The following CHODL variants were observed in gnomAD, a reference collection of about 807,000 sequenced individuals.
CHODL encodes the protein chondrolectin.
In CHODL, 29 loss-of-function variants were observed where a neutral mutation model predicts 34.5. That is an observed-to-expected ratio of 0.84 (90% CI 0.63 to 1.15). The LOEUF (loss-of-function observed/expected upper bound fraction) is 1.15. CHODL is among the 50% of genes most tolerant of loss of function. The pLI is 0.00. For missense variants in CHODL, 332 were observed against 332.5 expected (o/e 1.00, Z 0.01); for synonymous variants, 125 against 116.1 (o/e 1.08, Z -0.49).
intron 2 of CHODL, among the ~76,000 whole-genome samples, chr21:18,168,098 G>C (rs1284938399): frequency 6.6e-6 from 1 of 152,136 alleles, no homozygotes; most frequent in Non-Finnish European, 1.5e-5. Context: ...TGGACTCCTG[G>C]ACCTATACCA....
intron 2 of CHODL, among the ~76,000 whole-genome samples, chr21:18,116,193 A>G (rs906828105): frequency 6.6e-6 from 1 of 152,164 alleles, no homozygotes; most frequent in African/African-American, 2.4e-5. Context: ...CTCTATGTCA[A>G]TACCTTAAGT....
upstream of CHODL, among the ~76,000 whole-genome samples, chr21:18,240,160 G>T (rs1294861932): frequency 6.6e-6 from 1 of 151,746 alleles, no homozygotes; most frequent in Non-Finnish European, 1.5e-5. Flanking sequence ...AGAATATATG[G>T]GAAAAGATTT....
intron 2 of CHODL, among the ~76,000 whole-genome samples, chr21:18,088,135 T>A (rs2065029333): frequency 6.6e-6 from 1 of 152,116 alleles, no homozygotes; most frequent in Non-Finnish European, 1.5e-5. Context: ...TTACAATTTA[T>A]CATGAGATTT....
intron 1 of CHODL, among the ~76,000 whole-genome samples, chr21:17,935,901 C>T (rs893587024): frequency 6.6e-6 from 1 of 152,160 alleles, no homozygotes; most frequent in African/African-American, 2.4e-5. Context: ...TATTTGAAAG[C>T]AATAAAAAGT....
At chr21:18,181,433 C>T (rs8133177) in intron 2 of CHODL, among the ~76,000 whole-genome samples, 11,116 of 152,278 alleles carry the variant, frequency 0.073, 554 homozygotes, top group South Asian at 0.23. Flanking sequence ...GACGGAGTCT[C>T]GCTCTGTCGC....
In CHODL at chr21:18,037,179, G is replaced by T. The variant is rs556868277; in HGVS notation, c.-45+9208G>T. ...CATTGAATTAAATCCTGCTAGTTCTGATACTAATAATTAGAAAACTTATAC... is the reference window on the plus strand; with the variant it reads ...CATTGAATTAAATCCTGCTAGTTCTTATACTAATAATTAGAAAACTTATAC... On this transcript the variant is annotated intron_variant, in intron 2 of 6. Coordinates refer to the CHODL transcript ENST00000400127. Among the ~76,000 whole-genome samples the T allele has an allele frequency of 4.5e-4, 69 of 151,980 alleles. 4 individuals are homozygous for T. The South Asian group carries it at 0.012, about 27-fold the overall frequency.
chr21:18,032,488 AAT>A (rs1288001643), intron 2 of CHODL, among the ~76,000 whole-genome samples: 1 of 152,056 alleles, frequency 6.6e-6, no homozygotes, highest in African/African-American at 2.4e-5. Flanking sequence ...GCCACAATAC[AAT>A]ATTTGAAAGA....
At chr21:18,098,832 C>T (rs2065173773) in intron 2 of CHODL, among the ~76,000 whole-genome samples, 1 of 152,050 alleles carries the variant, frequency 6.6e-6, no homozygotes, top group Admixed American at 6.6e-5. Context: ...CCTTATTGTC[C>T]ATCAAGAGAT....
At chr21:18,119,247 C>T (rs917488759) in intron 2 of CHODL, among the ~76,000 whole-genome samples, 4 of 151,564 alleles carry the variant, frequency 2.6e-5, no homozygotes, top group Non-Finnish European at 4.4e-5. Context: ...ACTTCACATC[C>T]CCAGTCATCC....
intron 2 of CHODL, among the ~76,000 whole-genome samples, chr21:18,163,177 A>T (rs2073116629): frequency 6.6e-6 from 1 of 152,234 alleles, no homozygotes; most frequent in Non-Finnish European, 1.5e-5. Flanking sequence ...GTGAATATTT[A>T]TTGAACAATT....
chr21:18,039,735 T>C (rs899615542), intron 2 of CHODL, among the ~76,000 whole-genome samples: 5 of 151,758 alleles, frequency 3.3e-5, no homozygotes, highest in Non-Finnish European at 7.4e-5. Flanking sequence ...CTAATCCTTA[T>C]GTAACTCATC....
At chr21:18,027,585 T>C (rs1419780027) in intron 1 of CHODL, among the ~76,000 whole-genome samples, 2 of 152,158 alleles carry the variant, frequency 1.3e-5, no homozygotes, top group African/African-American at 4.8e-5. Context: ...TTAGGTAAAG[T>C]GCGATGCCTT....
In CHODL at chr21:18,073,163, C is replaced by A. The variant is rs144048492; in HGVS notation, c.-45+45192C>A. On this transcript the variant is annotated intron_variant, in intron 2 of 6. Coordinates refer to the CHODL transcript ENST00000400127. ...GATAATGAAGTGTCTATTATTAATACTCCTACATAGGAAAACTTTTTGAAA... is the reference window on the plus strand; with the variant it reads ...GATAATGAAGTGTCTATTATTAATAATCCTACATAGGAAAACTTTTTGAAA... 8.6e-3 allele frequency among the ~76,000 whole-genome samples: 1,310 copies of A among 152,178 alleles called. 23 individuals are homozygous for A. The highest frequency in any genetic ancestry group is 0.03 in the African/African-American group (1,232 of 41,548).
intron 2 of CHODL, among the ~76,000 whole-genome samples, chr21:18,044,170 A>G (rs891311507): frequency 6.6e-6 from 1 of 152,026 alleles, no homozygotes; most frequent in East Asian, 1.9e-4. Flanking sequence ...AAATAAAAAC[A>G]GTTGATTTAG....
intron 2 of CHODL, among the ~76,000 whole-genome samples, chr21:18,075,816 G>A (rs1047769495): frequency 1.3e-5 from 2 of 152,110 alleles, no homozygotes; most frequent in Non-Finnish European, 2.9e-5. Context: ...AATGGCGTTA[G>A]GAGGTGGATA....
intron 2 of CHODL, among the ~76,000 whole-genome samples, chr21:18,052,023 T>G (rs1390433783): frequency 6.6e-6 from 1 of 151,930 alleles, no homozygotes; most frequent in Non-Finnish European, 1.5e-5. Context: ...AAAAATCAGA[T>G]TAGCTGTTTT....
chr21:18,198,553 C>T (rs2073615200), intron 2 of CHODL, among the ~76,000 whole-genome samples: 1 of 152,048 alleles, frequency 6.6e-6, no homozygotes, highest in African/African-American at 2.4e-5. Flanking sequence ...TGTCTCTATA[C>T]AAAACAAAAT....
At chr21:17,924,423 G>T (rs140600891) in intron 1 of CHODL, among the ~76,000 whole-genome samples, 1 of 152,172 alleles carries the variant, frequency 6.6e-6, no homozygotes, top group African/African-American at 2.4e-5. Context: ...CTTGGAGACC[G>T]GAGAGAAATG....
chr21:17,987,578 C>G (rs1334281396), intron 1 of CHODL, among the ~76,000 whole-genome samples: 1 of 152,038 alleles, frequency 6.6e-6, no homozygotes, highest in Non-Finnish European at 1.5e-5. Context: ...GTCCTCATCT[C>G]CTAGGTAACC....
Sources: gnomAD v4.1 joint callset for allele counts (sites outside exome capture counted in the v4.1 genomes callset) on GRCh38, gnomAD v4.1.1 for gene constraint, MANE v1.5 for transcripts, NCBI Gene and HGNC (gene_info 2026-07-23, HGNC 2026-07-21) for gene names.